Variants in CUBN observed in about 807,000 individuals in gnomAD.
CUBN encodes 460 kDa receptor.
Under a neutral mutation model 405.3 loss-of-function variants are expected in CUBN, and 282 were observed. That is an observed-to-expected ratio of 0.70 (90% confidence interval 0.63 to 0.77). The LOEUF (loss-of-function observed/expected upper bound fraction) is 0.77, where lower values mean the gene tolerates loss of function less well. Ranked by LOEUF, CUBN falls within the 30% of genes least tolerant of loss-of-function variation. The probability of loss-of-function intolerance (pLI) is 0.00; values close to 1 mark genes in which losing one functional copy is unlikely to be tolerated. For synonymous variants in CUBN, 1,684 were observed against 1,617.0 expected, an observed-to-expected ratio of 1.04 and a Z score of -0.99; for missense variants, 4,514 against 4,475.2, an observed-to-expected ratio of 1.01 and a Z score of -0.25.
At chr10:17,055,951 G>T (rs1365913014) in intron 22 of CUBN, among the ~76,000 whole-genome samples, 1 of 152,132 alleles carries the variant, frequency 6.6e-6, no homozygotes, top group Admixed American at 6.5e-5. Context: ...ATCTAGGATA[G>T]CCCAAACAAT....
At chr10:17,014,829 C>A (rs1273185070) in intron 28 of CUBN, among the ~76,000 whole-genome samples, 1 of 152,182 alleles carries the variant, frequency 6.6e-6, no homozygotes, top group Non-Finnish European at 1.5e-5. Context: ...CCTTGGGGCA[C>A]AACTATCCAT....
chr10:16,915,353 G>A (rs1450396516), intron 46 of CUBN, among the ~76,000 whole-genome samples, 181 bp from the exon 47 acceptor site: 3 of 152,158 alleles, frequency 2.0e-5, no homozygotes, highest in Admixed American at 2.0e-4. Flanking sequence ...TCAAATACAT[G>A]AAGAAGTGAA....
At chr10:16,908,711 A>G (rs1841630740) in intron 48 of CUBN, among the ~76,000 whole-genome samples, 1 of 152,216 alleles carries the variant, frequency 6.6e-6, no homozygotes. Flanking sequence ...AGTTCAAAAA[A>G]AATCTAGATG....
At chr10:17,006,947 T>C (rs528455559) in intron 28 of CUBN, among the ~76,000 whole-genome samples, 2 of 152,190 alleles carry the variant, frequency 1.3e-5, no homozygotes, top group Non-Finnish European at 1.5e-5. Flanking sequence ...CCTGATCACA[T>C]GCCCCTTAGC....
intron 48 of CUBN, among the ~76,000 whole-genome samples, chr10:16,910,159 T>C (rs1841684534): frequency 6.6e-6 from 1 of 151,872 alleles, no homozygotes; most frequent in Admixed American, 6.6e-5. Flanking sequence ...TCCTTCTCCT[T>C]CTTATTGTTC....
At chr10:16,865,671 AAG>A (rs1320107944) in intron 59 of CUBN, among the ~76,000 whole-genome samples, 2 of 152,132 alleles carry the variant, frequency 1.3e-5, no homozygotes, top group African/African-American at 2.4e-5. Flanking sequence ...AGGATCCTAA[AAG>A]TACCCAATCA....
chr10:16,832,190 G>C (rs924092074), intron 64 of CUBN, among the ~76,000 whole-genome samples: 2 of 152,172 alleles, frequency 1.3e-5, no homozygotes, highest in African/African-American at 4.8e-5. Flanking sequence ...CCTGCTTCCA[G>C]GAGGGCTCTC....
At position 17,044,701 on chromosome 10, in the gene CUBN, T is replaced by C. The variant is rs544399237; in HGVS notation, c.3672+306A>G. Among the ~76,000 whole-genome samples the C allele has an allele frequency of 2.6e-5, 4 of 152,310 alleles. No individual in the cohort carries two copies. The South Asian group carries it at 8.3e-4, about 32-fold the overall frequency. The stretch of plus-strand genomic sequence containing the variant: ...CAAAACTGTCTTCTAAATTGTGATT[T>C]TTCAATGCATATGTGGAAAAACATA... On this transcript the variant is annotated intron_variant, in intron 25 of 66. Coordinates refer to ENST00000377833, the MANE Select transcript of CUBN (RefSeq NM_001081.4).
At chr10:17,067,130 A>G (rs1269950741) in intron 21 of CUBN, among the ~76,000 whole-genome samples, 1 of 152,172 alleles carries the variant, frequency 6.6e-6, no homozygotes, top group African/African-American at 2.4e-5. Flanking sequence ...TATTACCCAG[A>G]CATGAAAAGA....
rs370810505 is a variant in CUBN at position 17,044,848 on chromosome 10, T to C, written c.3672+159A>G. 5.3e-5 allele frequency among the ~76,000 whole-genome samples: 8 copies of C among 152,222 alleles called. No individual in the cohort carries two copies. In the East Asian group the frequency reaches 7.7e-4, roughly 15 times the overall value. ...CATTGAGTACTTCGAAGATGGTCAC[T>C]TTCACCAAATTTCTTTTATGTTTTT... On this transcript the variant is annotated intron_variant, in intron 25 of 66. Coordinates refer to ENST00000377833, the MANE Select transcript of CUBN (RefSeq NM_001081.4).
intron 28 of CUBN, among the ~76,000 whole-genome samples, chr10:16,991,634 T>C (rs377613615): frequency 3.2e-4 from 49 of 151,446 alleles, no homozygotes; most frequent in Non-Finnish European, 4.4e-4. Flanking sequence ...TTTTTCTGTT[T>C]TTTTTTTTTT....
At chr10:16,924,713 T>C (rs1372451707) in intron 43 of CUBN, among the ~76,000 whole-genome samples, 1 of 152,126 alleles carries the variant, frequency 6.6e-6, no homozygotes, top group African/African-American at 2.4e-5. Flanking sequence ...ATCAAATCAT[T>C]ACAGTAGAAT....
intron 22 of CUBN, among the ~76,000 whole-genome samples, chr10:17,048,885 T>G (rs1835198090): frequency 6.6e-6 from 1 of 152,230 alleles, no homozygotes; most frequent in East Asian, 1.9e-4. Flanking sequence ...TAGAGATGCA[T>G]AGAACATATT....
chr10:16,948,511 C>T lies in CUBN; in HGVS notation c.5176G>A (p.Gly1726Ser), dbSNP rs1157805672. 6.2e-7 allele frequency: 1 copy of T among 1,613,972 alleles called. No individual in the cohort carries two copies. Among genetic ancestry groups the T allele is most frequent in the Non-Finnish European group, 8.5e-7 (1 of 1,179,938 alleles). Residue 1726 changes from glycine (G) to serine (S), a missense_variant, in exon 35 of 67, where the codon GGT becomes AGT. Coordinates refer to ENST00000377833, the MANE Select transcript of CUBN (RefSeq NM_001081.4). ...FVSDSSISAG[G>S]FHTTVTASVS... ...GATGCGGTGACCGTGGTGTGGAAAC[C>T]CCCAGCACTGATGCTAGAATCAGAG...
rs1487411756 is a variant in CUBN at position 16,920,127 on chromosome 10, G to A, written c.6657C>T (p.Gly2219=). 1.2e-6 allele frequency: 2 copies of A among 1,613,934 alleles called. No homozygotes were observed. Among genetic ancestry groups the A allele is most frequent in the Non-Finnish European group, 1.7e-6 (2 of 1,179,920 alleles). The change falls in exon 44 of 67, where the codon GGC becomes GGT. Residue 2219 remains glycine, a synonymous_variant. Transcript: ENST00000377833. ...AATCAGCATCATGGATGTAGACGTT[G>A]CCCCCACAGGCTGTGAGCAAACACA... ...KYEAKSLACG[G]NVYIHDADSA...
intron 28 of CUBN, among the ~76,000 whole-genome samples, chr10:17,007,906 A>C (rs1396370157): frequency 6.6e-6 from 1 of 152,200 alleles, no homozygotes; most frequent in Non-Finnish European, 1.5e-5. Flanking sequence ...CTGTAATCCC[A>C]GCATTTTGAG....
Position 16,928,223 on chromosome 10 carries a change from T to G in CUBN, c.6205A>C (p.Met2069Leu), listed in dbSNP as rs760055682. 6 of 1,614,002 alleles carry G rather than the reference T, an allele frequency of 3.7e-6. No homozygotes were observed. Among genetic ancestry groups the G allele is most frequent in the Non-Finnish European group, 5.1e-6 (6 of 1,179,912 alleles). Residue 2069 changes from methionine to leucine, a missense_variant, in exon 41 of 67, where the codon ATG becomes CTG. Physicochemically the swap from Met to Leu is conservative, Grantham distance 15. This residue lies in a region of CUBN where 1,613 missense variants were observed against 1,542.8 expected (regional missense o/e 1.05). Transcript: ENST00000377833. ...PGPIRSTGEY[M>L]FIRFTSDSSV... ...GAGTCCGAGGTGAAGCGGATGAACA[T>G]GTACTCTCCAGTAGACCGGATGGGC...
chr10:16,896,496 G>A (rs1441902519), intron 54 of CUBN, among the ~76,000 whole-genome samples: 1 of 152,076 alleles, frequency 6.6e-6, no homozygotes, highest in African/African-American at 2.4e-5. Context: ...CAATTCATTA[G>A]GGCCTCCATG....
intron 20 of CUBN, 44 bp from the exon 21 acceptor site, chr10:17,068,324 T>C (rs771396694): frequency 1.3e-6 from 2 of 1,574,178 alleles, no homozygotes; most frequent in Admixed American, 1.7e-5. Context: ...GTAACCAAGC[T>C]ACCTGGATTT....
Sources: gnomAD v4.1 joint callset for allele counts (sites outside exome capture counted in the v4.1 genomes callset) on GRCh38, gnomAD v4.1.1 for gene constraint, gnomAD v4.1.1 regional missense constraint, MANE v1.5 for transcripts, NCBI Gene and HGNC (gene_info 2026-07-23, HGNC 2026-07-21) for gene names.